Variants in CROCC observed in about 807,000 individuals in gnomAD.
The protein encoded by CROCC is ciliary rootlet coiled-coil, rootletin.
CROCC carries 180 observed loss-of-function variants against 245.2 expected under a neutral mutation model. The ratio of observed to expected loss-of-function variants is 0.73; its 90% CI spans 0.65 to 0.83. CROCC has a LOEUF of 0.83. CROCC is among the 40% of genes least tolerant of loss of function. The probability of loss-of-function intolerance (pLI) is 0.00; values close to 1 mark genes in which losing one functional copy is unlikely to be tolerated. For synonymous variants in CROCC, 1,205 were observed against 1,241.6 expected (o/e 0.97, Z 0.62); for missense variants, 2,688 against 2,779.4 (o/e 0.97, Z 0.74).
At position 16,961,050 on chromosome 1, in the gene CROCC, G is replaced by C. The variant is rs2076323619; in HGVS notation, c.4325G>C (p.Arg1442Pro). The change falls in exon 27 of 37, where the codon CGG becomes CCG. Residue 1442 changes from arginine to proline, a missense_variant. By Grantham distance (103) the Arg-to-Pro change is moderately radical. Transcript: ENST00000375541. ...QLGGLRSALR[R>P]GLGLGRAPSP... is the part of the protein sequence containing the mutation. ...GGTGGCCTGCGCTCGGCTCTGCGCC[G>C]GGGCCTCGGCCTCGGTCGCGCGCCC... The C allele has an allele frequency of 1.5e-6, 2 of 1,329,866 alleles. No individual in the cohort carries two copies. The highest frequency in any genetic ancestry group is 1.5e-5 in the African/African-American group (1 of 64,778). 82.4% of individuals were successfully genotyped at this position (1,329,866 alleles called of 1,614,324 possible).
At chr1:16,931,728 C>T (rs1199289348) in intron 8 of CROCC, among the ~76,000 whole-genome samples, 2 of 152,212 alleles carry the variant, frequency 1.3e-5, no homozygotes, top group African/African-American at 4.8e-5. Flanking sequence ...CACAGTAGTA[C>T]ATAAGTGGCT....
At chr1:16,918,963 C>T (rs1489199691), upstream of CROCC, among the ~76,000 whole-genome samples, 1 of 152,286 alleles carries the variant, frequency 6.6e-6, no homozygotes, top group Non-Finnish European at 1.5e-5. Context: ...TCTAGAATTC[C>T]TGACCTCAAG....
In CROCC at chr1:16,944,259, G is replaced by T; in HGVS notation, c.1968G>T (p.Arg656=). 6.5e-7 allele frequency: 1 copy of T among 1,545,052 alleles called. No individual in the cohort carries two copies. Among genetic ancestry groups the T allele is most frequent in the Non-Finnish European group, 8.7e-7 (1 of 1,143,998 alleles). ...AGGACGCAGTGCAGGATGGCGCGCGGGTGCGCCGGGAGCTTGAGCGCAGGT... is the reference window on the plus strand; with the variant it reads ...AGGACGCAGTGCAGGATGGCGCGCGTGTGCGCCGGGAGCTTGAGCGCAGGT... ...EQEDAVQDGA[R]VRRELERSHR... Residue 656 remains arginine, a synonymous_variant, in exon 14 of 37, where the codon CGG becomes CGT. Transcript: ENST00000375541.
chr1:16,955,215 G>A lies in CROCC; in HGVS notation c.3466-97G>A, dbSNP rs2076229331. 3.4e-6 allele frequency: 4 copies of A among 1,186,730 alleles called. No individual in the cohort carries two copies. The East Asian group carries it at 7.0e-5, about 21-fold the overall frequency. The allele number at this position is 1,186,730 out of a possible 1,614,324, so 73.5% of individuals were successfully genotyped here. A position where few individuals can be genotyped will look rare whatever the true frequency, so the allele number is the denominator to read the frequency against. Reference sequence around the variant, plus strand: ...TGCGGTCTGAGCACTGCAGAGGGATGGGGCAGGCTCCCTGGGTCCAGGGAT... The same window carrying A: ...TGCGGTCTGAGCACTGCAGAGGGATAGGGCAGGCTCCCTGGGTCCAGGGAT... On this transcript the variant is annotated intron_variant, in intron 23 of 36. Transcript: ENST00000375541.
rs181026525 is a variant in CROCC, at chr1:16,936,632, C to G, written c.957-5C>G. 1 of 1,583,348 alleles carries G rather than the reference C, an allele frequency of 6.3e-7. No homozygotes were observed. Among genetic ancestry groups the G allele is most frequent in the South Asian group, 1.2e-5 (1 of 86,376 alleles). ...TCCATCCCCAGCCTGTGCTCTCTCC[C>G]GAAGGGACCTGCTGCAGCTGGGAGG... On this transcript the variant is annotated splice_region_variant and splice_polypyrimidine_tract_variant and intron_variant, in intron 8 of 36. Transcript: ENST00000375541.
intron 11 of CROCC, 72 bp from the exon 12 acceptor site, chr1:16,938,837 G>A: frequency 6.9e-7 from 1 of 1,445,114 alleles, no homozygotes; most frequent in African/African-American, 1.4e-5. Flanking sequence ...GCCTCACCTG[G>A]GCGTCTTTGC....
At chr1:16,924,188 G>T in intron 2 of CROCC, 137 bp from the exon 3 acceptor site, 2 of 1,105,680 alleles carry the variant, frequency 1.8e-6, no homozygotes, top group Non-Finnish European at 2.6e-6. Flanking sequence ...TCTCAGCTCT[G>T]TTTGCAGGCC....
intron 27 of CROCC, among the ~76,000 whole-genome samples, chr1:16,961,622 G>A (rs1219184252): frequency 6.6e-6 from 1 of 151,826 alleles, no homozygotes; most frequent in African/African-American, 2.4e-5. Flanking sequence ...TTCAACTTTT[G>A]AGACAGGATC....
chr1:16,930,568 G>A lies in CROCC; in HGVS notation c.823G>A (p.Glu275Lys), dbSNP rs1356790331. The change falls in exon 7 of 37, where the codon GAG becomes AAG. Residue 275 changes from glutamate (E) to lysine (K), a missense_variant. This residue lies in a region of CROCC where 972 missense variants were observed against 895.3 expected (regional missense o/e 1.09). Transcript: ENST00000375541. ...TRCRKELEHREAAWRREEESF... is the reference protein window; with the variant it reads ...TRCRKELEHRKAAWRREEESF... ...CTGCCGCAAGGAGCTGGAGCACCGG[G>A]AGGCGGCGTGGAGGCGCGAGGAGGA... The A allele has an allele frequency of 1.2e-6, 2 of 1,612,024 alleles. No homozygotes were observed. The highest frequency in any genetic ancestry group is 4.5e-5 in the East Asian group (2 of 44,886).
At chr1:16,924,225 C>T (rs1276735057) in intron 2 of CROCC, 100 bp from the exon 3 acceptor site, 3 of 1,441,868 alleles carry the variant, frequency 2.1e-6, no homozygotes, top group Non-Finnish European at 2.8e-6. Flanking sequence ...CCCATCTGGA[C>T]TCCTCCCAGG....
Position 16,966,076 on chromosome 1 carries a change from G to A in CROCC, c.4653G>A (p.Ser1551=), listed in dbSNP as rs72639732. ...EMEAERDSAT[S]RARQLQKAVA... ...AGGCTGAGAGGGACAGCGCAACCTC[G>A]AGGGCCAGGCAGCTGCAGAAGGCGG... The change falls in exon 29 of 37, where the codon TCG becomes TCA. Residue 1551 remains serine (S), a synonymous_variant. Coordinates refer to ENST00000375541, the MANE Select transcript of CROCC (RefSeq NM_014675.5). The surrounding 1 kb of genome is among the most constrained non-coding windows in gnomAD (Gnocchi z 4.8). 2,305 of 1,613,674 alleles carry A rather than the reference G, an allele frequency of 1.4e-3. 3 individuals are homozygous for A. Among genetic ancestry groups the A allele is most frequent in the Non-Finnish European group, 1.7e-3 (1,966 of 1,179,624 alleles).
At chr1:16,935,955 C>G (rs1292377714) in intron 8 of CROCC, among the ~76,000 whole-genome samples, 8 of 152,262 alleles carry the variant, frequency 5.3e-5, no homozygotes, top group African/African-American at 1.7e-4. Flanking sequence ...GCATAGTTTT[C>G]AGAGCTCTCC....
chr1:16,922,657 C>T lies in CROCC; in HGVS notation c.61-6C>T. The T allele has an allele frequency of 2.5e-6, 4 of 1,599,836 alleles. No homozygotes were observed. Among genetic ancestry groups the T allele is most frequent in the Non-Finnish European group, 3.4e-6 (4 of 1,173,210 alleles). ...TCCCCTGAAGACCCTCTCGCTTTTC[C>T]CACAGACACTGGAGAGCAGCGTCCT... On this transcript the variant is annotated splice_region_variant and splice_polypyrimidine_tract_variant and intron_variant, in intron 1 of 36. Transcript: ENST00000375541.
In CROCC at chr1:16,930,549, C is replaced by G. The variant is rs1475652570; in HGVS notation, c.804C>G (p.Arg268=). ...RKVTNDWTRC[R]KELEHREAAW... ...TGACCAATGACTGGACACGCTGCCG[C>G]AAGGAGCTGGAGCACCGGGAGGCGG... The change falls in exon 7 of 37, where the codon CGC becomes CGG. Residue 268 remains arginine (R), a synonymous_variant. Coordinates refer to ENST00000375541, the MANE Select transcript of CROCC (RefSeq NM_014675.5). 6.2e-7 allele frequency: 1 copy of G among 1,612,474 alleles called. No individual in the cohort carries two copies. Among genetic ancestry groups the G allele is most frequent in the Admixed American group, 1.7e-5 (1 of 60,018 alleles).
intron 32 of CROCC, among the ~76,000 whole-genome samples, 172 bp downstream of exon 32, chr1:16,969,512 A>G (rs1301478140): frequency 2.0e-5 from 3 of 152,292 alleles, no homozygotes; most frequent in African/African-American, 7.2e-5. Flanking sequence ...GCCAAGGAGA[A>G]GAGGCTCTGG....
Position 16,938,839 on chromosome 1 carries a change from C to T in CROCC, c.1375-70C>T, listed in dbSNP as rs1276327232. ...GAGGCAGCCCCCAGCCTCACCTGGG[C>T]GTCTTTGCCCAGCTAACCCCGCGGT... On this transcript the variant is annotated intron_variant, in intron 11 of 36. Transcript: ENST00000375541. The T allele has an allele frequency of 8.3e-6, 12 of 1,451,448 alleles. No homozygotes were observed. The African/African-American group carries it at 9.8e-5, about 12-fold the overall frequency. The allele number at this position is 1,451,448 out of a possible 1,614,324, so 89.9% of individuals were successfully genotyped here. A position where few individuals can be genotyped will look rare whatever the true frequency, so the allele number is the denominator to read the frequency against.
chr1:16,960,510 A>G (rs2076312926), intron 26 of CROCC, among the ~76,000 whole-genome samples: 1 of 152,256 alleles, frequency 6.6e-6, no homozygotes, highest in African/African-American at 2.4e-5. Flanking sequence ...TTCAAATGCC[A>G]GCTGTTATTA....
In CROCC at chr1:16,922,851, C is replaced by T. The variant is rs2075440653; in HGVS notation, c.196+53C>T. 10 of 1,583,538 alleles carry T rather than the reference C, an allele frequency of 6.3e-6. No homozygotes were observed. In the South Asian group the frequency reaches 1.2e-4, roughly 18 times the overall value. ...AAACACCACCCACATTTTACCTCTTCTCATGTCCCTTTCCTGAGCAGTCAC... is the reference window on the plus strand; with the variant it reads ...AAACACCACCCACATTTTACCTCTTTTCATGTCCCTTTCCTGAGCAGTCAC... On this transcript the variant is annotated intron_variant, in intron 2 of 36. Coordinates refer to ENST00000375541, the MANE Select transcript of CROCC (RefSeq NM_014675.5).
intron 8 of CROCC, among the ~76,000 whole-genome samples, chr1:16,934,611 C>T (rs1422330073): frequency 2.0e-5 from 3 of 152,234 alleles, no homozygotes; most frequent in Non-Finnish European, 4.4e-5. Context: ...CCTTAAAATA[C>T]AAAACAAAAC....
Sources: gnomAD v4.1 joint callset for allele counts (sites outside exome capture counted in the v4.1 genomes callset) on GRCh38, gnomAD v4.1.1 for gene constraint, gnomAD v4.1.1 regional missense constraint, Gnocchi (gnomAD v3.1) non-coding constraint, MANE v1.5 for transcripts, NCBI Gene and HGNC (gene_info 2026-07-23, HGNC 2026-07-21) for gene names.